AP3S1: variants seen among roughly 807,000 people sequenced by gnomAD.
AP3S1 encodes the protein adaptor related protein complex 3 subunit sigma 1.
In AP3S1, 12 loss-of-function variants were observed where a neutral mutation model predicts 21.3. The observed-to-expected ratio is 0.56, with a 90% CI of 0.36 to 0.91. The LOEUF (loss-of-function observed/expected upper bound fraction) is 0.91, where lower values mean the gene tolerates loss of function less well. Ranked by LOEUF, AP3S1 falls within the 40% of genes least tolerant of loss-of-function variation. The pLI is 0.01. For synonymous variants in AP3S1, 48 were observed against 78.4 expected (o/e 0.61, Z 2.05); for missense variants, 116 against 225.0 (o/e 0.52, Z 3.10).
chr5:115,888,247 T>C (rs1211833489), intron 3 of AP3S1, among the ~76,000 whole-genome samples: 2 of 152,138 alleles, frequency 1.3e-5, no homozygotes, highest in African/African-American at 4.8e-5. Context: ...TTCTAGGTCT[T>C]AGCTCCTTTT....
chr5:115,850,101 A>G (rs558257268), intron 1 of AP3S1, among the ~76,000 whole-genome samples: 1 of 152,308 alleles, frequency 6.6e-6, no homozygotes, highest in South Asian at 2.1e-4. Context: ...CCTCTATTGT[A>G]CTGAAAAGCA....
chr5:115,862,732 T>G (rs1763296124), intron 1 of AP3S1, among the ~76,000 whole-genome samples: 1 of 152,200 alleles, frequency 6.6e-6, no homozygotes, highest in African/African-American at 2.4e-5. Flanking sequence ...AAAAAGTGCT[T>G]TCTCCCAATT....
intron 5 of AP3S1, 165 bp downstream of exon 5, chr5:115,903,157 C>A: frequency 2.0e-6 from 1 of 503,850 alleles, no homozygotes; most frequent in Non-Finnish European, 3.5e-6. Flanking sequence ...GCTAAAGGTT[C>A]TGTGACTGTT....
chr5:115,903,426 G>A (rs1751383727), intron 5 of AP3S1: 1 of 152,412 alleles, frequency 6.6e-6, no homozygotes, highest in African/African-American at 2.4e-5. Flanking sequence ...AGTAAGTAAT[G>A]TTTCAAGTTA....
intron 1 of AP3S1, among the ~76,000 whole-genome samples, chr5:115,863,109 A>G (rs1186546730): frequency 1.3e-5 from 2 of 152,126 alleles, no homozygotes; most frequent in African/African-American, 4.8e-5. Context: ...CTACAAGTAC[A>G]AAAATTATGG....
intron 5 of AP3S1, 130 bp from the exon 6 acceptor site, chr5:115,913,232 C>T: frequency 1.1e-6 from 1 of 890,768 alleles, no homozygotes. Flanking sequence ...CATACCAATT[C>T]AAACTACCAT....
intron 3 of AP3S1, among the ~76,000 whole-genome samples, chr5:115,882,948 GTTGTGGTGGGCTCTGCCCAGT>G (rs1749436700): frequency 6.6e-6 from 1 of 152,232 alleles, no homozygotes; most frequent in Non-Finnish European, 1.5e-5. Flanking sequence ...ACTTTGCCAT[GTTGTGGTGGGCTCTGCCCAGT>G]TTGAACTTCC....
intron 1 of AP3S1, among the ~76,000 whole-genome samples, chr5:115,862,938 A>G (rs1298821587): frequency 6.6e-6 from 1 of 152,222 alleles, no homozygotes; most frequent in Non-Finnish European, 1.5e-5. Context: ...CCAGTATTCA[A>G]TGAATCCAGC....
At chr5:115,891,698 T>C (rs920431466) in intron 3 of AP3S1, among the ~76,000 whole-genome samples, 2 of 152,120 alleles carry the variant, frequency 1.3e-5, no homozygotes, top group African/African-American at 2.4e-5. Flanking sequence ...CGTGGAGTTA[T>C]GAGAAGAGGG....
At chr5:115,901,566 T>G (rs575700734) in intron 4 of AP3S1, among the ~76,000 whole-genome samples, 1 of 151,844 alleles carries the variant, frequency 6.6e-6, no homozygotes, top group Non-Finnish European at 1.5e-5. Flanking sequence ...TTTTTTTTTT[T>G]TTAATTGAGG....
At chr5:115,907,653 A>G (rs1030367228) in intron 5 of AP3S1, among the ~76,000 whole-genome samples, 1 of 152,156 alleles carries the variant, frequency 6.6e-6, no homozygotes, top group African/African-American at 2.4e-5. Context: ...CAATAAAAAT[A>G]TATTAATGTT....
At position 115,904,296 on chromosome 5, in the gene AP3S1, A is replaced by G. The variant is rs528169241; in HGVS notation, c.453+1304A>G. Among the ~76,000 whole-genome samples the G allele has an allele frequency of 9.8e-5, 15 of 152,348 alleles. No homozygotes were observed. The South Asian group carries it at 1.0e-3, about 11-fold the overall frequency. On this transcript the variant is annotated intron_variant, in intron 5 of 5. Coordinates refer to ENST00000316788, the MANE Select transcript of AP3S1 (RefSeq NM_001284.4). The stretch of plus-strand genomic sequence containing the variant: ...AAAAATACACTGGCATTAATTTACA[A>G]CAGGTGAGTTCTGAAAAATTTTACC...
chr5:115,888,735 CT>C (rs1750014067), intron 3 of AP3S1, among the ~76,000 whole-genome samples: 1 of 151,688 alleles, frequency 6.6e-6, no homozygotes, highest in South Asian at 2.1e-4. Context: ...AGTTATCTTC[CT>C]TTTATATCAG....
intron 1 of AP3S1, chr5:115,853,000 T>C (rs1316043428): frequency 2.2e-6 from 1 of 453,982 alleles, no homozygotes; most frequent in Non-Finnish European, 4.4e-6. Flanking sequence ...GGGAGTAAAA[T>C]TGCCAAATCA....
chr5:115,873,090 TC>T (rs1204328536), intron 3 of AP3S1, among the ~76,000 whole-genome samples: 1 of 152,160 alleles, frequency 6.6e-6, no homozygotes, highest in African/African-American at 2.4e-5. Flanking sequence ...ATGTGTCTTT[TC>T]CTAGAGGTAA....
Position 115,878,284 on chromosome 5 carries a change from G to A in AP3S1, c.273+8156G>A, listed in dbSNP as rs138525462. On this transcript the variant is annotated intron_variant, in intron 3 of 5. Coordinates refer to ENST00000316788, the MANE Select transcript of AP3S1 (RefSeq NM_001284.4). ...TCATGTAGTCTTTGCCCATGCCTAT[G>A]TCCTGAATGGTATTGCCTAGGTTTT... Among the ~76,000 whole-genome samples, 578 of 152,312 alleles carry A rather than the reference G, an allele frequency of 3.8e-3. 1 individual carries two copies. The highest frequency in any genetic ancestry group is 0.013 in the African/African-American group (557 of 41,572).
intron 3 of AP3S1, among the ~76,000 whole-genome samples, chr5:115,882,069 C>G (rs769194925): frequency 1.6e-4 from 24 of 151,948 alleles, no homozygotes; most frequent in Non-Finnish European, 2.8e-4. Flanking sequence ...ATGTTCCTCT[C>G]TAAACTGGTT....
At chr5:115,877,658 CAT>C (rs1209841049) in intron 3 of AP3S1, among the ~76,000 whole-genome samples, 2 of 152,202 alleles carry the variant, frequency 1.3e-5, no homozygotes, top group African/African-American at 4.8e-5. Context: ...CTGCAGTAAA[CAT>C]ATGTGTGCAT....
At chr5:115,909,296 G>A (rs1751911183) in intron 5 of AP3S1, among the ~76,000 whole-genome samples, 1 of 151,868 alleles carries the variant, frequency 6.6e-6, no homozygotes, top group Non-Finnish European at 1.5e-5. Flanking sequence ...TTTATTTTTG[G>A]GTCTGGCAAT....
Sources: allele counts gnomAD v4.1 joint callset (sites outside exome capture counted in the v4.1 genomes callset), GRCh38; gene constraint gnomAD v4.1.1; transcripts MANE v1.5; gene names NCBI Gene and HGNC (gene_info 2026-07-23, HGNC 2026-07-21).